Variants in MDH2 observed in about 807,000 individuals in gnomAD.
The protein encoded by MDH2 is malate dehydrogenase 2.
MDH2 carries 25 observed loss-of-function variants against 33.6 expected under a neutral mutation model. The observed-to-expected ratio is 0.74, with a 90% confidence interval of 0.54 to 1.04. The LOEUF (loss-of-function observed/expected upper bound fraction) is 1.04. MDH2 is among the 50% of genes least tolerant of loss of function. MDH2 has a pLI of 0.00. For missense variants in MDH2, 432 were observed against 445.0 expected, an observed-to-expected ratio of 0.97 and a Z score of 0.26; for synonymous variants, 193 against 188.7, an observed-to-expected ratio of 1.02 and a Z score of -0.19.
chr7:76,058,225 C>T lies in MDH2; in HGVS notation c.429+147C>T, dbSNP rs10250810. 2.0e-3 allele frequency: 1,392 copies of T among 706,998 alleles called. 13 individuals are homozygous for T. In the African/African-American group the frequency reaches 0.021, roughly 11 times the overall value. The allele number at this position is 706,998 out of a possible 1,614,324, so 43.8% of individuals were successfully genotyped here. ...GATGAAGGGGCTGAAATGGAGAGGT[C>T]GGGTGCACTAAGCAGAGGCCCGTCC... On this transcript the variant is annotated intron_variant, in intron 4 of 8. Coordinates refer to ENST00000315758, the MANE Select transcript of MDH2 (RefSeq NM_005918.4).
chr7:76,059,395 C>T (rs1050640899), intron 4 of MDH2, among the ~76,000 whole-genome samples: 8 of 152,156 alleles, frequency 5.3e-5, no homozygotes, highest in Admixed American at 2.6e-4. Context: ...TCCTGGTCCC[C>T]TGTTGTCCCC....
At position 76,066,483 on chromosome 7, in the gene MDH2, CT is replaced by C; in HGVS notation, c.*76del. On this transcript the variant is annotated 3_prime_UTR_variant, in exon 9 of 9. Transcript: ENST00000315758. The stretch of plus-strand genomic sequence containing the variant: ...TCACTGCAAAGCCGTTGCAGATAAA[CT>C]TTGTATTTTAATTTGCTTTGGTGAT... 6.6e-7 allele frequency: 1 copy of C among 1,510,426 alleles called. No individual in the cohort carries two copies. Among genetic ancestry groups the C allele is most frequent in the Non-Finnish European group, 8.9e-7 (1 of 1,125,878 alleles). 93.6% of individuals were successfully genotyped at this position (1,510,426 alleles called of 1,614,324 possible).
chr7:76,054,747 C>T, intron 1 of MDH2, 83 bp from the exon 2 acceptor site: 1 of 1,500,116 alleles, frequency 6.7e-7, no homozygotes, highest in Non-Finnish European at 9.2e-7. Flanking sequence ...AAAAAGAGGC[C>T]CAGTGCAACA....
chr7:76,054,509 T>G (rs1351774695), intron 1 of MDH2: 6 of 346,412 alleles, frequency 1.7e-5, no homozygotes, highest in South Asian at 1.6e-4. Flanking sequence ...TTATAGTTTA[T>G]AAAGCTGCAG....
chr7:76,052,691 C>T (rs868937414), intron 1 of MDH2, among the ~76,000 whole-genome samples: 36 of 150,946 alleles, frequency 2.4e-4, no homozygotes, highest in Non-Finnish European at 3.4e-4. Context: ...ATTACCGGTG[C>T]GCGCCACCAT....
chr7:76,051,268 A>G (rs1797617885), intron 1 of MDH2, among the ~76,000 whole-genome samples: 1 of 151,970 alleles, frequency 6.6e-6, no homozygotes, highest in African/African-American at 2.4e-5. Flanking sequence ...TGATGAAAGC[A>G]GAAAGAAAGA....
chr7:76,050,957 C>T (rs1237479225), intron 1 of MDH2, among the ~76,000 whole-genome samples: 2 of 152,186 alleles, frequency 1.3e-5, no homozygotes, highest in African/African-American at 4.8e-5. Context: ...TCTCGGCTCA[C>T]TGCAGCCTCC....
At chr7:76,061,254 G>C (rs1457794105) in intron 5 of MDH2, among the ~76,000 whole-genome samples, 1 of 152,162 alleles carries the variant, frequency 6.6e-6, no homozygotes, top group Non-Finnish European at 1.5e-5. Context: ...TTATACGTGC[G>C]GCATGGTAGG....
intron 7 of MDH2, 120 bp from the exon 8 acceptor site, chr7:76,064,682 C>A: frequency 2.5e-6 from 3 of 1,179,322 alleles, no homozygotes; most frequent in African/African-American, 1.5e-5. Flanking sequence ...AATCGGGGTG[C>A]TGACTGAAAT....
chr7:76,058,038 A>G lies in MDH2; in HGVS notation c.389A>G (p.Gln130Arg). ...GCCACCCTGACCGCTGCCTGTGCCCAGCACTGCCCGGAAGCCATGATCTGC... is the reference window on the plus strand; with the variant it reads ...GCCACCCTGACCGCTGCCTGTGCCCGGCACTGCCCGGAAGCCATGATCTGC... Reference protein sequence around the residue: ...IVATLTAACAQHCPEAMICVI... With the variant: ...IVATLTAACARHCPEAMICVI... Residue 130 changes from glutamine (Q) to arginine (R), a missense_variant, in exon 4 of 9, where the codon CAG becomes CGG. By Grantham distance (43) the Gln-to-Arg change is conservative (BLOSUM62 1). Coordinates refer to ENST00000315758, the MANE Select transcript of MDH2 (RefSeq NM_005918.4). 1 of 1,613,890 alleles carries G rather than the reference A, an allele frequency of 6.2e-7. No individual in the cohort carries two copies. The highest frequency in any genetic ancestry group is 8.5e-7 in the Non-Finnish European group (1 of 1,180,042).
At chr7:76,054,243 CCT>C (rs201611380) in intron 1 of MDH2, among the ~76,000 whole-genome samples, 1 of 145,866 alleles carries the variant, frequency 6.9e-6, no homozygotes, top group South Asian at 2.2e-4. Context: ...ACCCCTTCCA[CCT>C]CTTGTTAGGC....
chr7:76,049,538 G>A (rs1202052941), intron 1 of MDH2, among the ~76,000 whole-genome samples: 1 of 152,122 alleles, frequency 6.6e-6, no homozygotes, highest in Non-Finnish European at 1.5e-5. Context: ...AGGTCTTAGG[G>A]AATGAGTAAA....
At chr7:76,055,825 A>T (rs1234514672) in intron 2 of MDH2, among the ~76,000 whole-genome samples, 22 of 129,442 alleles carry the variant, frequency 1.7e-4, no homozygotes, top group African/African-American at 5.8e-4. Context: ...TTTGCATGTC[A>T]CCAAATTTTT....
chr7:76,054,151 T>C (rs1207744513), intron 1 of MDH2, among the ~76,000 whole-genome samples: 1 of 152,182 alleles, frequency 6.6e-6, no homozygotes, highest in African/African-American at 2.4e-5. Context: ...ACACCTAGGC[T>C]GGAGAACCAG....
At chr7:76,050,424 A>G (rs557788074) in intron 1 of MDH2, among the ~76,000 whole-genome samples, 1 of 152,342 alleles carries the variant, frequency 6.6e-6, no homozygotes, top group East Asian at 1.9e-4. Flanking sequence ...TCATATGGAA[A>G]GAGTATTGCA....
At chr7:76,053,299 T>TA (rs1254496475) in intron 1 of MDH2, among the ~76,000 whole-genome samples, 1 of 152,026 alleles carries the variant, frequency 6.6e-6, no homozygotes, top group Non-Finnish European at 1.5e-5. Flanking sequence ...ATGGAACGCC[T>TA]AACAGAACTG....
chr7:76,064,073 T>G lies in MDH2; in HGVS notation c.634-266T>G, dbSNP rs370840779. Among the ~76,000 whole-genome samples the G allele has an allele frequency of 1.4e-3, 216 of 151,816 alleles. 10 individuals are homozygous for G. In the South Asian group the frequency reaches 0.04, roughly 28 times the overall value. On this transcript the variant is annotated intron_variant, in intron 6 of 8. Transcript: ENST00000315758. ...GGACTCACCACACTTCCCAACAGAGTTGATTTCACTTCGTCTTTTTTTTTT... is the reference window on the plus strand; with the variant it reads ...GGACTCACCACACTTCCCAACAGAGGTGATTTCACTTCGTCTTTTTTTTTT...
chr7:76,059,431 G>C (rs782036150), intron 4 of MDH2, among the ~76,000 whole-genome samples: 12 of 152,156 alleles, frequency 7.9e-5, no homozygotes, highest in Non-Finnish European at 1.5e-4. Flanking sequence ...CACAGTCGCG[G>C]ACACACACAC....
At chr7:76,063,023 A>G (rs1027129731) in intron 5 of MDH2, among the ~76,000 whole-genome samples, 1 of 152,230 alleles carries the variant, frequency 6.6e-6, no homozygotes, top group African/African-American at 2.4e-5. Flanking sequence ...TTTCTGTCCC[A>G]ATCACTGTTT....
Sources: gnomAD v4.1 joint callset for allele counts (sites outside exome capture counted in the v4.1 genomes callset) on GRCh38, gnomAD v4.1.1 for gene constraint, MANE v1.5 for transcripts, NCBI Gene and HGNC (gene_info 2026-07-23, HGNC 2026-07-21) for gene names.